BMP5: variants seen among roughly 807,000 people sequenced by gnomAD.
BMP5 encodes bone morphogenetic protein 5.
BMP5 carries 23 observed loss-of-function variants against 46.6 expected under a neutral mutation model. The ratio of observed to expected loss-of-function variants is 0.49; its 90% CI spans 0.35 to 0.70. The LOEUF is 0.70. BMP5 is among the 30% of genes least tolerant of loss of function. The pLI is 0.00. For synonymous variants in BMP5, 204 were observed against 191.9 expected, an observed-to-expected ratio of 1.06 and a Z score of -0.52; for missense variants, 545 against 565.6, an observed-to-expected ratio of 0.96 and a Z score of 0.37.
intron 2 of BMP5, among the ~76,000 whole-genome samples, chr6:55,797,195 A>G (rs1372048343): frequency 1.3e-5 from 2 of 152,120 alleles, no homozygotes; most frequent in African/African-American, 2.4e-5. Context: ...CCCCAACCCC[A>G]TTCTGTAGAA....
At position 55,754,162 on chromosome 6, in the gene BMP5, G is replaced by A. The variant is rs981572265; in HGVS notation, c.*1371C>T. Reference sequence around the variant, plus strand: ...TGCTTTATGAATACTTTAGATTAACGGTAAATAAGCCTAACCACAGAGTCA... The same window carrying A: ...TGCTTTATGAATACTTTAGATTAACAGTAAATAAGCCTAACCACAGAGTCA... On this transcript the variant is annotated 3_prime_UTR_variant, in exon 7 of 7. Coordinates refer to ENST00000370830, the MANE Select transcript of BMP5 (RefSeq NM_021073.4). 3 of 151,824 alleles carry A rather than the reference G, an allele frequency of 2.0e-5. No homozygotes were observed. Among genetic ancestry groups the A allele is most frequent in the Non-Finnish European group, 2.9e-5 (2 of 67,888 alleles). 9.4% of individuals were successfully genotyped at this position (151,824 alleles called of 1,614,324 possible).
At chr6:55,847,783 T>C (rs1777135144) in intron 1 of BMP5, among the ~76,000 whole-genome samples, 1 of 152,018 alleles carries the variant, frequency 6.6e-6, no homozygotes, top group South Asian at 2.1e-4. Flanking sequence ...CTGTAGAGTA[T>C]CTTAGCCATC....
intron 3 of BMP5, among the ~76,000 whole-genome samples, chr6:55,785,937 C>A (rs1357749348): frequency 6.6e-6 from 1 of 151,654 alleles, no homozygotes; most frequent in Non-Finnish European, 1.5e-5. Context: ...AAAGAAAATA[C>A]AATCCTGCTA....
chr6:55,780,180 T>C (rs1775274238), intron 3 of BMP5, among the ~76,000 whole-genome samples: 1 of 150,328 alleles, frequency 6.7e-6, no homozygotes, highest in African/African-American at 2.5e-5. Flanking sequence ...TAATAATATG[T>C]ACAAACAAGC....
chr6:55,825,776 G>A (rs985740251), intron 1 of BMP5, among the ~76,000 whole-genome samples: 2 of 151,822 alleles, frequency 1.3e-5, no homozygotes, highest in Non-Finnish European at 2.9e-5. Flanking sequence ...GCAGTTTTAA[G>A]GAGATGCATT....
chr6:55,817,648 C>G (rs1776309015), intron 2 of BMP5, among the ~76,000 whole-genome samples: 1 of 151,866 alleles, frequency 6.6e-6, no homozygotes, highest in Admixed American at 6.6e-5. Context: ...ATACCTAATG[C>G]TGAATGACGA....
intron 1 of BMP5, among the ~76,000 whole-genome samples, chr6:55,830,156 T>C (rs574119767): frequency 3.9e-5 from 6 of 152,240 alleles, no homozygotes; most frequent in Admixed American, 1.3e-4. Context: ...TGGTGAGTTA[T>C]ATGAATCAAT....
chr6:55,803,373 T>C (rs934306768), intron 2 of BMP5, among the ~76,000 whole-genome samples: 1 of 151,606 alleles, frequency 6.6e-6, no homozygotes, highest in Non-Finnish European at 1.5e-5. Flanking sequence ...TAGTGCCAAA[T>C]TGACAAGGAT....
At chr6:55,868,433 G>C (rs1412165948) in intron 1 of BMP5, among the ~76,000 whole-genome samples, 1 of 152,104 alleles carries the variant, frequency 6.6e-6, no homozygotes, top group African/African-American at 2.4e-5. Context: ...GTTTCTAAGA[G>C]TTATGTAATA....
At chr6:55,832,095 A>G (rs16887218) in intron 1 of BMP5, among the ~76,000 whole-genome samples, 3,883 of 152,238 alleles carry the variant, frequency 0.026, 163 homozygotes, top group African/African-American at 0.088. Context: ...CCATCTTTTG[A>G]ACCTGACAAA....
At chr6:55,851,094 G>C (rs1011982758) in intron 1 of BMP5, among the ~76,000 whole-genome samples, 5 of 149,602 alleles carry the variant, frequency 3.3e-5, no homozygotes, top group Admixed American at 6.7e-5. Flanking sequence ...CAAAATATTA[G>C]TGTTGTGGGT....
At chr6:55,872,042 G>A (rs1242607536) in intron 1 of BMP5, among the ~76,000 whole-genome samples, 1 of 151,784 alleles carries the variant, frequency 6.6e-6, no homozygotes, top group Non-Finnish European at 1.5e-5. Context: ...TCTTATTGCA[G>A]CTAATAATGT....
At chr6:55,863,675 A>G (rs1582130226) in intron 1 of BMP5, among the ~76,000 whole-genome samples, 1 of 152,214 alleles carries the variant, frequency 6.6e-6, no homozygotes, top group African/African-American at 2.4e-5. Flanking sequence ...CATGGATTGT[A>G]TATATAACAC....
At chr6:55,805,276 C>A (rs1432146821) in intron 2 of BMP5, among the ~76,000 whole-genome samples, 1 of 152,148 alleles carries the variant, frequency 6.6e-6, no homozygotes, top group South Asian at 2.1e-4. Context: ...GATACTAGTG[C>A]ATAACCTGTA....
At chr6:55,780,456 TAAA>T (rs369703099) in intron 3 of BMP5, among the ~76,000 whole-genome samples, 1 of 62,028 alleles carries the variant, frequency 1.6e-5, no homozygotes, top group African/African-American at 8.4e-5. Context: ...CCATCACTAC[TAAA>T]AAAAAAAAAA....
At chr6:55,858,164 G>A (rs1314754029) in intron 1 of BMP5, among the ~76,000 whole-genome samples, 3 of 152,156 alleles carry the variant, frequency 2.0e-5, no homozygotes, top group African/African-American at 7.2e-5. Context: ...AAGTTATTTA[G>A]ACCAAATCTA....
rs1049283667 is a variant in BMP5 at position 55,815,040 on chromosome 6, G to A, written c.683+4615C>T. 9.2e-5 allele frequency among the ~76,000 whole-genome samples: 14 copies of A among 151,662 alleles called. No individual in the cohort carries two copies. The East Asian group carries it at 2.7e-3, about 29-fold the overall frequency. On this transcript the variant is annotated intron_variant, in intron 2 of 6. Transcript: ENST00000370830. ...CCCAGCTACTCAGGAGTCTGAGGCA[G>A]GAGTATCGCTTGAAACCTGAAGGCA...
At chr6:55,867,972 T>C (rs1224836194) in intron 1 of BMP5, among the ~76,000 whole-genome samples, 1 of 152,200 alleles carries the variant, frequency 6.6e-6, no homozygotes, top group East Asian at 1.9e-4. Context: ...ATTTAATTTA[T>C]AATTGAACTT....
intron 1 of BMP5, among the ~76,000 whole-genome samples, chr6:55,855,530 C>G (rs1230974738): frequency 1.3e-5 from 2 of 151,684 alleles, no homozygotes; most frequent in Non-Finnish European, 2.9e-5. Context: ...TTAAGTTTAC[C>G]AGAAGTTTGT....
Sources: allele counts gnomAD v4.1 joint callset (sites outside exome capture counted in the v4.1 genomes callset), GRCh38; gene constraint gnomAD v4.1.1; transcripts MANE v1.5; gene names NCBI Gene and HGNC (gene_info 2026-07-23, HGNC 2026-07-21).